Variants in N4BP2 observed in about 807,000 individuals in gnomAD.
N4BP2 encodes NEDD4-binding protein 2.
Under a neutral mutation model 152.8 loss-of-function variants are expected in N4BP2, and 91 were observed. The ratio of observed to expected loss-of-function variants is 0.60; its 90% CI spans 0.50 to 0.71. The LOEUF (loss-of-function observed/expected upper bound fraction) is 0.71, where lower values mean the gene tolerates loss of function less well. Ranked by LOEUF, N4BP2 falls within the 30% of genes least tolerant of loss-of-function variation. The pLI, the probability that N4BP2 is intolerant of heterozygous loss-of-function variation, is 0.00. For synonymous variants in N4BP2, 646 were observed against 705.3 expected (o/e 0.92, Z 1.33); for missense variants, 1,923 against 2,059.1 (o/e 0.93, Z 1.28).
chr4:40,141,407 C>T (rs1348312694), intron 14 of N4BP2, among the ~76,000 whole-genome samples: 26 of 150,370 alleles, frequency 1.7e-4, no homozygotes, highest in South Asian at 1.1e-3. Flanking sequence ...ACCTCCCAGA[C>T]GGGGTCGCGG....
At chr4:40,171,230 A>C in the N4BP2 span, among the ~76,000 whole-genome samples, 1 of 152,168 alleles carries the variant, frequency 6.6e-6, no homozygotes, top group East Asian at 1.9e-4. Context: ...GCATGCTGTC[A>C]CTTTCATCGT....
chr4:40,182,956 C>T, the N4BP2 span, among the ~76,000 whole-genome samples: 8 of 152,088 alleles, frequency 5.3e-5, no homozygotes, highest in African/African-American at 1.7e-4. Context: ...GGATTACAGA[C>T]ATGAGCCACC....
At chr4:40,174,203 A>G in the N4BP2 span, among the ~76,000 whole-genome samples, 7 of 151,774 alleles carry the variant, frequency 4.6e-5, no homozygotes, top group South Asian at 1.5e-3. Context: ...ATAGCAAGAC[A>G]CTGTCTCTAC....
In N4BP2 at chr4:40,103,287, A is replaced by G. The variant is rs1399054981; in HGVS notation, c.1373+69A>G. ...AATTTGAACACAAGTATGAATAAAT[A>G]GGCAAAATGCTTTGCTTAGTAGAGA... On this transcript the variant is annotated intron_variant, in intron 4 of 17. Transcript: ENST00000261435. 3.0e-6 allele frequency: 4 copies of G among 1,355,418 alleles called. No homozygotes were observed. The East Asian group carries it at 9.2e-5, about 31-fold the overall frequency. 84.0% of individuals were successfully genotyped at this position (1,355,418 alleles called of 1,614,324 possible).
chr4:40,141,496 G>A (rs541374693), intron 14 of N4BP2, among the ~76,000 whole-genome samples: 1 of 146,870 alleles, frequency 6.8e-6, no homozygotes, highest in African/African-American at 2.5e-5. Context: ...ATGGGCGGCC[G>A]GGCAGAGGCG....
At chr4:40,089,809 CTCTT>C (rs761658582) in intron 2 of N4BP2, among the ~76,000 whole-genome samples, 94 of 152,194 alleles carry the variant, frequency 6.2e-4, no homozygotes, top group Admixed American at 1.4e-3. Flanking sequence ...GATTTTCTCT[CTCTT>C]TTTTAGTTCC....
intron 7 of N4BP2, among the ~76,000 whole-genome samples, chr4:40,113,799 C>G (rs1034504562): frequency 6.6e-6 from 1 of 151,884 alleles, no homozygotes; most frequent in Non-Finnish European, 1.5e-5. Context: ...GCCATGTTAC[C>G]CAGGCTGGTC....
chr4:40,132,646 C>T (rs995184894), intron 13 of N4BP2, among the ~76,000 whole-genome samples: 1 of 152,038 alleles, frequency 6.6e-6, no homozygotes, highest in Non-Finnish European at 1.5e-5. Flanking sequence ...ATCAGGAATG[C>T]TCTGGTTTGA....
At chr4:40,179,082 T>C in the N4BP2 span, among the ~76,000 whole-genome samples, 1 of 152,064 alleles carries the variant, frequency 6.6e-6, no homozygotes, top group African/African-American at 2.4e-5. Context: ...TTAAAACGTT[T>C]TGGAGGCTGG....
chr4:40,057,902 G>A (rs1409021825), intron 1 of N4BP2, among the ~76,000 whole-genome samples: 2 of 152,104 alleles, frequency 1.3e-5, no homozygotes, highest in Non-Finnish European at 2.9e-5. Context: ...TTTGTGGCAC[G>A]GACAGGTTTG....
chr4:40,061,187 T>A (rs1048956583), intron 1 of N4BP2, among the ~76,000 whole-genome samples: 4 of 151,904 alleles, frequency 2.6e-5, no homozygotes, highest in Non-Finnish European at 5.9e-5. Context: ...ATTATTATTT[T>A]GAGGTAGAGT....
At chr4:40,117,800 A>G (rs1579065459) in intron 7 of N4BP2, 69 bp from the exon 8 acceptor site, 2 of 1,340,630 alleles carry the variant, frequency 1.5e-6, no homozygotes, top group South Asian at 1.5e-5. Context: ...TTTCCTAGAC[A>G]TATGTTCTGA....
downstream of N4BP2, among the ~76,000 whole-genome samples, chr4:40,159,881 G>GTT (rs374845650): frequency 1.3e-5 from 2 of 148,438 alleles, no homozygotes; most frequent in African/African-American, 4.9e-5. Context: ...AGTTGTTGTT[G>GTT]TTTTTTTTTT....
At chr4:40,060,034 A>G (rs1010741905) in intron 1 of N4BP2, among the ~76,000 whole-genome samples, 2 of 151,302 alleles carry the variant, frequency 1.3e-5, no homozygotes, top group African/African-American at 2.4e-5. Flanking sequence ...GGGTCTCACT[A>G]TGTTGCTCAG....
In N4BP2 at chr4:40,137,056, A is replaced by G. The variant is rs2271395; in HGVS notation, c.4759A>G (p.Thr1587Ala). The stretch of plus-strand genomic sequence containing the variant: ...CCAAAATGAGAATGTCACATCTCAT[A>G]CTGGCCAGAAGTCTAAAGAGAAAAA... ...VHQNENVTSH[T>A]GQKSKEKKPK... is the part of the protein sequence containing the mutation. Residue 1587 changes from threonine (T) to alanine (A), a missense_variant, in exon 14 of 18, where the codon ACT becomes GCT. By Grantham distance (58) the Thr-to-Ala change is moderately conservative. Coordinates refer to ENST00000261435, the MANE Select transcript of N4BP2 (RefSeq NM_018177.6). The G allele has an allele frequency of 0.059, 94,889 of 1,612,904 alleles. 7,020 individuals are homozygous for G. Among genetic ancestry groups the G allele is most frequent in the East Asian group, 0.43 (19,477 of 44,780 alleles).
At chr4:40,067,772 C>G (rs551613555) in intron 1 of N4BP2, among the ~76,000 whole-genome samples, 1 of 152,212 alleles carries the variant, frequency 6.6e-6, no homozygotes, top group South Asian at 2.1e-4. Context: ...GATGTTGGCT[C>G]ACTGTAACCT....
In N4BP2 at chr4:40,121,248, T is replaced by G; in HGVS notation, c.3137T>G (p.Leu1046Ter). The G allele has an allele frequency of 6.2e-7, 1 of 1,613,314 alleles. No homozygotes were observed. Among genetic ancestry groups the G allele is most frequent in the Non-Finnish European group, 8.5e-7 (1 of 1,179,826 alleles). Residue 1046 changes from leucine (L) to a stop codon, truncating the protein, a stop_gained, in exon 9 of 18, where the codon TTA becomes TGA. Coordinates refer to ENST00000261435, the MANE Select transcript of N4BP2 (RefSeq NM_018177.6). LOFTEE classifies it high-confidence loss of function. ...TCTATCAAAGTATTAACAGGAAGAT[T>G]AGATGGATTTAAGCCGAAAGTTTTC... Reference protein sequence around the residue: ...SDSIKVLTGRLDGFKPKVFNI... With the variant: ...SDSIKVLTGR
chr4:40,077,455 CTT>C (rs34189324), intron 2 of N4BP2, among the ~76,000 whole-genome samples: 236 of 125,556 alleles, frequency 1.9e-3, no homozygotes, highest in Admixed American at 1.7e-3. Context: ...GCCAGAATAT[CTT>C]TTTTTTTTTT....
Position 40,103,011 on chromosome 4 carries a change from A to G in N4BP2, c.1166A>G (p.His389Arg), listed in dbSNP as rs1715853110. 11 of 1,614,052 alleles carry G rather than the reference A, an allele frequency of 6.8e-6. No individual in the cohort carries two copies. The highest frequency in any genetic ancestry group is 9.3e-6 in the Non-Finnish European group (11 of 1,180,028). ...FVAPVVTTAAHWRSVNYTFPP... is the reference protein window; with the variant it reads ...FVAPVVTTAARWRSVNYTFPP... ...GCTCCTGTTGTAACCACAGCTGCAC[A>G]CTGGAGATCTGTCAACTACACATTT... The change falls in exon 4 of 18, where the codon CAC (histidine) becomes CGC (arginine). Residue 389 changes from histidine (H) to arginine (R), a missense_variant. Physicochemically the swap from His to Arg is conservative, Grantham distance 29. Transcript: ENST00000261435.
Sources: allele counts gnomAD v4.1 joint callset (sites outside exome capture counted in the v4.1 genomes callset), GRCh38; gene constraint gnomAD v4.1.1; transcripts MANE v1.5; gene names NCBI Gene and HGNC (gene_info 2026-07-23, HGNC 2026-07-21).